The following DEFB134 variants were observed in gnomAD, a reference collection of about 807,000 sequenced individuals.
The protein encoded by DEFB134 is beta-defensin 134.
DEFB134 carries 7 observed loss-of-function variants against 7.4 expected under a neutral mutation model. The ratio of observed to expected loss-of-function variants is 0.95; its 90% CI spans 0.54 to 1.79. The LOEUF is 1.79. DEFB134 is among the 40% of genes most tolerant of loss of function. The pLI is 0.00. For synonymous variants in DEFB134, 33 were observed against 25.0 expected, an observed-to-expected ratio of 1.32 and a Z score of -0.96; for missense variants, 105 against 74.8, an observed-to-expected ratio of 1.40 and a Z score of -1.49.
At chr8:11,994,088 T>C in exon 2 of DEFB134, 1 of 1,613,604 alleles carries the variant, frequency 6.2e-7, no homozygotes, top group Non-Finnish European at 8.5e-7. Flanking sequence ...TTTTATAGCA[T>C]TTCTTGTGCA....
chr8:11,993,923 T>C lies in DEFB134; in HGVS notation c.*57A>G, dbSNP rs190208784. On this transcript the variant is annotated 3_prime_UTR_variant, in exon 2 of 2. Transcript: ENST00000526438. ...GTTTGATCTAAATTCCCTGGTTTTG[T>C]GAAAGATGGCAGAATCAAGGGCCTA... is the stretch of plus-strand genomic sequence containing the variant. 2.9e-4 allele frequency: 457 copies of C among 1,577,020 alleles called. 5 individuals carry two copies. In the Admixed American group the frequency reaches 8.4e-3, roughly 29 times the overall value.
chr8:11,994,008 C>G, exon 2 of DEFB134: 1 of 1,613,852 alleles, frequency 6.2e-7, no homozygotes. Flanking sequence ...TTTGACACAG[C>G]ACTCCAGCTG....
chr8:11,999,348 T>G, upstream of DEFB134: 1 of 219,754 alleles, frequency 4.6e-6, no homozygotes, highest in South Asian at 8.3e-5. Flanking sequence ...ACATGCTCAG[T>G]GGGATACTGG....
At chr8:12,000,569 T>C (rs1286282511), upstream of DEFB134, among the ~76,000 whole-genome samples, 1 of 152,168 alleles carries the variant, frequency 6.6e-6, no homozygotes, top group Non-Finnish European at 1.5e-5. Context: ...AGACCTATGA[T>C]AAAGTTAAAT....
chr8:11,998,597 G>T (rs1193580688), upstream of DEFB134, among the ~76,000 whole-genome samples: 2 of 151,958 alleles, frequency 1.3e-5, no homozygotes, highest in African/African-American at 4.8e-5. Flanking sequence ...AAGTTAGAGA[G>T]ATCTCAAATT....
exon 2 of DEFB134, chr8:11,993,575 T>C (rs1800034515): frequency 1.3e-5 from 2 of 158,132 alleles, no homozygotes; most frequent in African/African-American, 4.8e-5. Context: ...GCAAATCTGC[T>C]TCTCTAAAGT....
upstream of DEFB134, among the ~76,000 whole-genome samples, chr8:11,997,452 C>CAA (rs1800157247): frequency 6.6e-6 from 1 of 152,028 alleles, no homozygotes; most frequent in Non-Finnish European, 1.5e-5. Flanking sequence ...AAAGGCTGGG[C>CAA]CACAGCTGTA....
In DEFB134 at chr8:11,996,164, C is replaced by A. The variant is rs757997193; in HGVS notation, c.58+30G>T. The A allele has an allele frequency of 6.8e-6, 11 of 1,612,862 alleles. No homozygotes were observed. In the Admixed American group the frequency reaches 1.8e-4, roughly 27 times the overall value. On this transcript the variant is annotated intron_variant, in intron 1 of 1. Transcript: ENST00000526438. ...TGGCATTGTTCTTCTATATGAAGCA[C>A]CCCTACCCCCCAAAATATGCCAGTT...
chr8:11,998,461 T>A (rs201807403), upstream of DEFB134, among the ~76,000 whole-genome samples: 845 of 141,096 alleles, frequency 6.0e-3, 7 homozygotes, highest in African/African-American at 0.02. Context: ...AAAAAAAAAA[T>A]AAAAAAAATA....
chr8:11,996,412 G>A (rs184302668), upstream of DEFB134: 951 of 590,040 alleles, frequency 1.6e-3, 8 homozygotes, highest in East Asian at 3.5e-3. Flanking sequence ...TGAGGCAGCC[G>A]TGTTGGCAAT....
At chr8:11,994,392 A>G (rs1800063748) in intron 1 of DEFB134, among the ~76,000 whole-genome samples, 1 of 152,194 alleles carries the variant, frequency 6.6e-6, no homozygotes, top group Non-Finnish European at 1.5e-5. Context: ...GTGGAACCCT[A>G]ATCCAATAAG....
At chr8:11,993,308 G>A (rs1339135263) in exon 2 of DEFB134, 2 of 152,216 alleles carry the variant, frequency 1.3e-5, no homozygotes, top group Non-Finnish European at 2.9e-5. Context: ...CTGCTGCTAA[G>A]GAACCAACAC....
chr8:11,999,502 C>T (rs1435449715), upstream of DEFB134: 2 of 152,420 alleles, frequency 1.3e-5, no homozygotes, highest in Non-Finnish European at 2.9e-5. Flanking sequence ...TTAAAAAACC[C>T]CAAGACCATT....
chr8:11,994,952 G>A (rs995140931), intron 1 of DEFB134, among the ~76,000 whole-genome samples: 1 of 152,202 alleles, frequency 6.6e-6, no homozygotes, highest in African/African-American at 2.4e-5. Context: ...CAATTCTGAA[G>A]ATTTGAGAAG....
chr8:11,998,942 T>A (rs570110033), upstream of DEFB134: 3 of 152,232 alleles, frequency 2.0e-5, no homozygotes, highest in African/African-American at 4.8e-5. Context: ...TAGAAGAAAC[T>A]GATAAATGCC....
upstream of DEFB134, among the ~76,000 whole-genome samples, chr8:11,998,882 A>C (rs1800195438): frequency 6.6e-6 from 1 of 152,188 alleles, no homozygotes; most frequent in African/African-American, 2.4e-5. Context: ...AAATGCAAAA[A>C]ACCCTCAGAG....
chr8:11,995,549 C>G (rs537037559), intron 1 of DEFB134, among the ~76,000 whole-genome samples: 12 of 152,312 alleles, frequency 7.9e-5, no homozygotes, highest in African/African-American at 2.6e-4. Flanking sequence ...TCCCTGGCTG[C>G]TATCTCATCT....
upstream of DEFB134, among the ~76,000 whole-genome samples, chr8:11,998,865 C>T (rs1800195094): frequency 6.6e-6 from 1 of 151,948 alleles, no homozygotes; most frequent in South Asian, 2.1e-4. Context: ...TACCACTGAC[C>T]CCAAAGAAAT....
upstream of DEFB134, among the ~76,000 whole-genome samples, chr8:12,000,682 ACT>A (rs1800246357): frequency 1.3e-5 from 2 of 152,166 alleles, no homozygotes; most frequent in South Asian, 4.1e-4. Context: ...GTGAATGTGA[ACT>A]CTGTCTCCCC....
Sources: gnomAD v4.1 joint callset for allele counts (sites outside exome capture counted in the v4.1 genomes callset) on GRCh38, gnomAD v4.1.1 for gene constraint, MANE v1.5 for transcripts, NCBI Gene and HGNC (gene_info 2026-07-23, HGNC 2026-07-21) for gene names.